Variants in FRMPD1 observed in about 807,000 individuals in gnomAD.
FRMPD1 encodes the protein FERM and PDZ domain containing 1, also known as FERM and PDZ domain-containing protein 1.
In FRMPD1, 76 loss-of-function variants were observed where a neutral mutation model predicts 117.8. That is an observed-to-expected ratio of 0.65 (90% CI 0.54 to 0.78). The LOEUF (loss-of-function observed/expected upper bound fraction) is 0.78, where lower values mean the gene tolerates loss of function less well. Among genes scored for constraint, FRMPD1 ranks in the 30% least tolerant of loss-of-function variants. The pLI is 0.00. For missense variants in FRMPD1, 1,786 were observed against 1,964.5 expected, an observed-to-expected ratio of 0.91 and a Z score of 1.72; for synonymous variants, 783 against 770.4, an observed-to-expected ratio of 1.02 and a Z score of -0.27.
intron 5 of FRMPD1, among the ~76,000 whole-genome samples, chr9:37,712,395 G>A (rs1036568611): frequency 5.3e-5 from 8 of 152,070 alleles, no homozygotes; most frequent in South Asian, 2.1e-4. Flanking sequence ...CACTCCCGTC[G>A]TGCAGACTGG....
At chr9:37,692,779 G>A (rs372482800) in intron 2 of FRMPD1, 37 bp downstream of exon 2, 255 of 1,426,628 alleles carry the variant, frequency 1.8e-4, no homozygotes, top group Non-Finnish European at 2.4e-4. Flanking sequence ...TGTCTATAAA[G>A]GTCTGGTGTC....
At chr9:37,654,360 G>T (rs902461624) in intron 1 of FRMPD1, among the ~76,000 whole-genome samples, 1 of 152,216 alleles carries the variant, frequency 6.6e-6, no homozygotes, top group East Asian at 1.9e-4. Flanking sequence ...CTTGCCTGGA[G>T]CTGGGTGAGG....
chr9:37,744,410 C>T lies in FRMPD1; in HGVS notation c.2378C>T (p.Ala793Val). ...PPSGPRDVST[A>V]EPSATSLQNK... ...CCAGGGCCCAGAGATGTTTCTACTGCAGAACCCAGTGCCACAAGCTTGCAG... is the reference window on the plus strand; with the variant it reads ...CCAGGGCCCAGAGATGTTTCTACTGTAGAACCCAGTGCCACAAGCTTGCAG... Residue 793 changes from alanine to valine, a missense_variant, in exon 16 of 16, where the codon GCA becomes GTA. Ala to Val is a moderately conservative substitution (Grantham distance 64). Coordinates refer to ENST00000377765, the MANE Select transcript of FRMPD1 (RefSeq NM_014907.3). 2 of 1,606,278 alleles carry T rather than the reference C, an allele frequency of 1.2e-6. No individual in the cohort carries two copies. The highest frequency in any genetic ancestry group is 1.3e-5 in the African/African-American group (1 of 74,702).
the FRMPD1 span, among the ~76,000 whole-genome samples, chr9:37,613,565 G>A: frequency 5.9e-5 from 9 of 152,274 alleles, no homozygotes; most frequent in Non-Finnish European, 1.2e-4. Flanking sequence ...CAGAGACACA[G>A]CGGAAAAATA....
chr9:37,651,369 C>T (rs1483925983), intron 1 of FRMPD1, among the ~76,000 whole-genome samples: 1 of 152,188 alleles, frequency 6.6e-6, no homozygotes, highest in African/African-American at 2.4e-5. Flanking sequence ...AGCGGCAACG[C>T]GGGAGGGGGA....
At chr9:37,725,277 A>G (rs957624422) in intron 7 of FRMPD1, among the ~76,000 whole-genome samples, 5 of 152,218 alleles carry the variant, frequency 3.3e-5, no homozygotes, top group African/African-American at 1.2e-4. Context: ...GTGAGGCCGC[A>G]GTGAAGAAGC....
chr9:37,717,202 G>A (rs943963760), intron 5 of FRMPD1, among the ~76,000 whole-genome samples: 1 of 151,696 alleles, frequency 6.6e-6, no homozygotes, highest in Non-Finnish European at 1.5e-5. Flanking sequence ...GAACTTGATT[G>A]GCTCTGACTT....
At chr9:37,733,145 G>A (rs530162135) in intron 10 of FRMPD1, among the ~76,000 whole-genome samples, 1 of 152,110 alleles carries the variant, frequency 6.6e-6, no homozygotes, top group South Asian at 2.1e-4. Flanking sequence ...AGAGTGTCTT[G>A]TACTCTCTTG....
chr9:37,637,327 T>C, the FRMPD1 span: 1 of 1,032,306 alleles, frequency 9.7e-7, no homozygotes, highest in South Asian at 1.3e-5. Context: ...TCGCTCCCAG[T>C]CGGCTCTGCT....
intron 1 of FRMPD1, among the ~76,000 whole-genome samples, chr9:37,676,764 A>G (rs1198600347): frequency 6.6e-6 from 1 of 152,192 alleles, no homozygotes; most frequent in Non-Finnish European, 1.5e-5. Context: ...AGCCCCATGC[A>G]GAGATGAGCG....
At chr9:37,687,834 G>A (rs1204506604) in intron 1 of FRMPD1, among the ~76,000 whole-genome samples, 17 of 152,218 alleles carry the variant, frequency 1.1e-4, no homozygotes, top group Admixed American at 1.1e-3. Context: ...GTTGAGCTGT[G>A]CTAGTAATCA....
intron 14 of FRMPD1, 30 bp downstream of exon 14, chr9:37,737,273 A>G (rs1281994808): frequency 6.2e-7 from 1 of 1,611,234 alleles, no homozygotes; most frequent in Admixed American, 1.7e-5. Flanking sequence ...CCCAATAAGG[A>G]CAGGCCCCTT....
upstream of FRMPD1, among the ~76,000 whole-genome samples, chr9:37,649,835 T>G (rs567049918): frequency 7.9e-5 from 12 of 152,328 alleles, no homozygotes; most frequent in South Asian, 2.3e-3. Flanking sequence ...CCCTGCTTTA[T>G]GTCTCAACTC....
chr9:37,629,417 G>A, the FRMPD1 span, among the ~76,000 whole-genome samples: 3 of 152,232 alleles, frequency 2.0e-5, no homozygotes, highest in East Asian at 5.8e-4. Flanking sequence ...ATTCACAGCT[G>A]CATGGTCATG....
chr9:37,689,223 C>T (rs1822050671), intron 1 of FRMPD1, among the ~76,000 whole-genome samples: 1 of 152,060 alleles, frequency 6.6e-6, no homozygotes. Context: ...TTCACCATAT[C>T]GTTCCAATAT....
At chr9:37,648,165 G>GAA (rs11393944), upstream of FRMPD1, among the ~76,000 whole-genome samples, 1 of 151,884 alleles carries the variant, frequency 6.6e-6, no homozygotes. Context: ...CTTTGCAAAG[G>GAA]AAAAAAACCA....
At chr9:37,672,277 G>A (rs1274193314) in intron 1 of FRMPD1, among the ~76,000 whole-genome samples, 1 of 152,190 alleles carries the variant, frequency 6.6e-6, no homozygotes, top group Non-Finnish European at 1.5e-5. Context: ...ACCTGGCAAT[G>A]AAACAGCACA....
intron 15 of FRMPD1, among the ~76,000 whole-genome samples, chr9:37,743,982 A>G (rs1824552220): frequency 6.6e-6 from 1 of 151,922 alleles, no homozygotes; most frequent in Non-Finnish European, 1.5e-5. Flanking sequence ...TGAGGTCAGG[A>G]GTTCGAGACC....
At chr9:37,694,765 T>C (rs1023605029) in intron 2 of FRMPD1, among the ~76,000 whole-genome samples, 1 of 152,228 alleles carries the variant, frequency 6.6e-6, no homozygotes, top group African/African-American at 2.4e-5. Context: ...GTATGTGATC[T>C]TTTGTGACTG....
Sources: gnomAD v4.1 joint callset for allele counts (sites outside exome capture counted in the v4.1 genomes callset) on GRCh38, gnomAD v4.1.1 for gene constraint, MANE v1.5 for transcripts, NCBI Gene and HGNC (gene_info 2026-07-23, HGNC 2026-07-21) for gene names.